The following RPP30 variants were observed in gnomAD, a reference collection of about 807,000 sequenced individuals.
RPP30 encodes the protein ribonuclease P protein subunit p30.
Under a neutral mutation model 38.6 loss-of-function variants are expected in RPP30, and 36 were observed. The observed-to-expected ratio is 0.93, with a 90% confidence interval of 0.71 to 1.23. The LOEUF (loss-of-function observed/expected upper bound fraction) is 1.23, where lower values mean the gene tolerates loss of function less well. RPP30 is among the 50% of genes most tolerant of loss of function. RPP30 has a pLI of 0.00. For synonymous variants in RPP30, 126 were observed against 112.7 expected, an observed-to-expected ratio of 1.12 and a Z score of -0.75; for missense variants, 321 against 321.7, an observed-to-expected ratio of 1.00 and a Z score of 0.02.
At position 90,882,095 on chromosome 10, in the gene RPP30, G is replaced by A. The variant is rs540690893; in HGVS notation, c.342+2961G>A. Among the ~76,000 whole-genome samples, 8 of 152,258 alleles carry A rather than the reference G, an allele frequency of 5.3e-5. No individual in the cohort carries two copies. In the South Asian group the frequency reaches 1.7e-3, roughly 32 times the overall value. ...GGGCTCCTTGGGATGGGGGACAGCT[G>A]TGGAATATGACACAGAGAGAGAGTT... On this transcript the variant is annotated intron_variant, in intron 5 of 10. Coordinates refer to ENST00000371703, the MANE Select transcript of RPP30 (RefSeq NM_006413.5).
intron 6 of RPP30, among the ~76,000 whole-genome samples, chr10:90,891,090 T>G (rs1312631147): frequency 6.6e-6 from 1 of 152,200 alleles, no homozygotes; most frequent in Admixed American, 6.5e-5. Context: ...CTATTCAAAT[T>G]ACAAATACGT....
At chr10:90,896,133 T>A (rs1360226642) in intron 9 of RPP30, among the ~76,000 whole-genome samples, 180 bp from the exon 10 acceptor site, 1 of 152,236 alleles carries the variant, frequency 6.6e-6, no homozygotes, top group African/African-American at 2.4e-5. Flanking sequence ...GGACTTCATA[T>A]GATAAAAGCT....
chr10:90,872,146 C>T, intron 1 of RPP30, 78 bp downstream of exon 1: 1 of 1,212,600 alleles, frequency 8.2e-7, no homozygotes, highest in Non-Finnish European at 1.2e-6. Flanking sequence ...TAACTATTTC[C>T]TGATGGGTCT....
rs573558941 is a variant in RPP30, at chr10:90,898,368, T to C, written c.697+1976T>C. Among the ~76,000 whole-genome samples, 82 of 152,318 alleles carry C rather than the reference T, an allele frequency of 5.4e-4. 1 individual carries two copies. Among genetic ancestry groups the C allele is most frequent in the South Asian group, 1.5e-3 (7 of 4,826 alleles). ...GAGTCCTAAACTAGATGATAAAATA[T>C]GGTTACCCTGGTTTTCGTTGCCATT... On this transcript the variant is annotated intron_variant, in intron 10 of 10. Coordinates refer to ENST00000371703, the MANE Select transcript of RPP30 (RefSeq NM_006413.5).
chr10:90,880,360 A>G (rs1373608601), intron 5 of RPP30, among the ~76,000 whole-genome samples: 3 of 108,698 alleles, frequency 2.8e-5, no homozygotes, highest in African/African-American at 2.4e-4. Context: ...TTAATTATTT[A>G]TATTAACAGA....
intron 10 of RPP30, among the ~76,000 whole-genome samples, chr10:90,896,895 T>A (rs900630216): frequency 6.6e-6 from 1 of 152,192 alleles, no homozygotes; most frequent in African/African-American, 2.4e-5. Context: ...GGTCAAGTTG[T>A]GTCCAGACTG....
chr10:90,886,550 CCAT>C (rs1221559247), intron 6 of RPP30, among the ~76,000 whole-genome samples: 2 of 152,158 alleles, frequency 1.3e-5, no homozygotes, highest in Non-Finnish European at 2.9e-5. Context: ...CCTCCCATTT[CCAT>C]CATAAGGTAA....
At chr10:90,908,546 C>CATT (rs1564572021) in exon 5 of RPP30, 3 of 152,040 alleles carry the variant, frequency 2.0e-5, no homozygotes, top group Non-Finnish European at 2.9e-5. Context: ...AAAACTTTTT[C>CATT]ATTATTATTA....
Position 90,894,666 on chromosome 10 carries a change from G to A in RPP30, c.433-109G>A, listed in dbSNP as rs992777000. ...CTTTCATAAAGCTGTACCTTGACAT[G>A]TAAGGGGTCAGTAGTAGGGAGTGAG... On this transcript the variant is annotated intron_variant, in intron 6 of 10. Coordinates refer to ENST00000371703, the MANE Select transcript of RPP30 (RefSeq NM_006413.5). The A allele has an allele frequency of 6.5e-6, 5 of 774,986 alleles. No homozygotes were observed. In the Admixed American group the frequency reaches 1.1e-4, roughly 16 times the overall value. 48.0% of individuals were successfully genotyped at this position (774,986 alleles called of 1,614,324 possible).
downstream of RPP30, among the ~76,000 whole-genome samples, chr10:90,904,949 G>A (rs1847238285): frequency 6.6e-6 from 1 of 152,048 alleles, no homozygotes; most frequent in African/African-American, 2.4e-5. Context: ...AGTAAATCCA[G>A]GTAGATTAAA....
chr10:90,885,039 C>T (rs891264465), intron 5 of RPP30, among the ~76,000 whole-genome samples: 15 of 152,152 alleles, frequency 9.9e-5, no homozygotes, highest in Non-Finnish European at 8.8e-5. Context: ...AACCTTTTCC[C>T]AGCTTTATTT....
chr10:90,873,723 G>A (rs1356003906), intron 1 of RPP30, among the ~76,000 whole-genome samples: 1 of 152,152 alleles, frequency 6.6e-6, no homozygotes, highest in Admixed American at 6.5e-5. Context: ...AGATTTGGGA[G>A]TGTGGTAAAG....
intron 5 of RPP30, among the ~76,000 whole-genome samples, chr10:90,883,255 A>G (rs1164018198): frequency 6.6e-6 from 1 of 150,612 alleles, no homozygotes; most frequent in African/African-American, 2.4e-5. Context: ...TTATGGGAAT[A>G]CGTTTTCTTT....
intron 6 of RPP30, among the ~76,000 whole-genome samples, chr10:90,893,666 T>G (rs758837361): frequency 5.9e-5 from 9 of 152,202 alleles, no homozygotes; most frequent in Admixed American, 3.3e-4. Flanking sequence ...CCTTGAAGAC[T>G]TTTGCATGCT....
At chr10:90,878,517 G>C (rs1846881637) in intron 4 of RPP30, among the ~76,000 whole-genome samples, 1 of 150,336 alleles carries the variant, frequency 6.7e-6, no homozygotes, top group Admixed American at 6.6e-5. Context: ...TTTGAGATGA[G>C]GTCTCACTTT....
intron 6 of RPP30, among the ~76,000 whole-genome samples, chr10:90,892,237 G>A (rs1323540872): frequency 6.6e-6 from 1 of 152,176 alleles, no homozygotes; most frequent in Non-Finnish European, 1.5e-5. Flanking sequence ...ACAATCATTT[G>A]ATGAGCTTTA....
At chr10:90,897,353 G>T (rs139031573) in intron 10 of RPP30, among the ~76,000 whole-genome samples, 1 of 152,286 alleles carries the variant, frequency 6.6e-6, no homozygotes, top group Non-Finnish European at 1.5e-5. Flanking sequence ...AGGTTATTGA[G>T]GGCTTGTGTG....
rs1392083873 is a variant in RPP30, at chr10:90,901,663, T to A, written c.*984T>A. 2.0e-6 allele frequency: 2 copies of A among 984,930 alleles called. No individual in the cohort carries two copies. The highest frequency in any genetic ancestry group is 2.3e-4 in the East Asian group (2 of 8,834). The allele number at this position is 984,930 out of a possible 1,614,324, so 61.0% of individuals were successfully genotyped here. Reference sequence around the variant, plus strand: ...GAAATAATTTATTTTTATAATGGGATCATGTTAAGTAGAAGTAGCTTTTTA... The same window carrying A: ...GAAATAATTTATTTTTATAATGGGAACATGTTAAGTAGAAGTAGCTTTTTA... On this transcript the variant is annotated 3_prime_UTR_variant, in exon 11 of 11. Coordinates refer to ENST00000371703, the MANE Select transcript of RPP30 (RefSeq NM_006413.5).
chr10:90,879,573 G>GTA (rs1344974934), intron 5 of RPP30, among the ~76,000 whole-genome samples: 2 of 152,104 alleles, frequency 1.3e-5, no homozygotes, highest in African/African-American at 4.8e-5. Context: ...ATGCTCTGTG[G>GTA]TATAGCCCAT....
Sources: allele counts gnomAD v4.1 joint callset (sites outside exome capture counted in the v4.1 genomes callset), GRCh38; gene constraint gnomAD v4.1.1; transcripts MANE v1.5; gene names NCBI Gene and HGNC (gene_info 2026-07-23, HGNC 2026-07-21).